Variants in TASP1 observed in about 807,000 individuals in gnomAD.
The protein encoded by TASP1 is threonine aspartase 1.
In TASP1, 16 loss-of-function variants were observed where a neutral mutation model predicts 56.6. That is an observed-to-expected ratio of 0.28 (90% CI 0.19 to 0.43). TASP1 has a LOEUF of 0.43. Among genes scored for constraint, TASP1 ranks in the 20% least tolerant of loss-of-function variants. The pLI, the probability that TASP1 is intolerant of heterozygous loss-of-function variation, is 1.00. For missense variants in TASP1, 393 were observed against 511.6 expected, an observed-to-expected ratio of 0.77 and a Z score of 2.24; for synonymous variants, 179 against 184.2, an observed-to-expected ratio of 0.97 and a Z score of 0.23.
At chr20:13,217,152 T>C in the TASP1 span, among the ~76,000 whole-genome samples, 29 of 152,312 alleles carry the variant, frequency 1.9e-4, no homozygotes, top group African/African-American at 4.1e-4. Flanking sequence ...AGCCCTTACC[T>C]TTTTGAGATG....
At chr20:13,207,882 T>C in the TASP1 span, among the ~76,000 whole-genome samples, 1 of 152,002 alleles carries the variant, frequency 6.6e-6, no homozygotes, top group Non-Finnish European at 1.5e-5. Flanking sequence ...AATATCGATA[T>C]ATCAGTTGGG....
the TASP1 span, among the ~76,000 whole-genome samples, chr20:13,274,941 C>A: frequency 6.6e-6 from 1 of 152,126 alleles, no homozygotes; most frequent in Non-Finnish European, 1.5e-5. Flanking sequence ...TGGGTTTTAT[C>A]AAAAACAAAA....
the TASP1 span, among the ~76,000 whole-genome samples, chr20:13,209,649 T>G: frequency 1.1e-4 from 16 of 152,204 alleles, no homozygotes; most frequent in Admixed American, 5.9e-4. Flanking sequence ...TTATTCTCCT[T>G]CGACAAATCT....
chr20:13,371,513 G>A, the TASP1 span, among the ~76,000 whole-genome samples: 73,218 of 152,004 alleles, frequency 0.48, 19,266 homozygotes, highest in Non-Finnish European at 0.59. Flanking sequence ...ATCAGAGGAC[G>A]TATATTGTAT....
At chr20:13,618,685 A>T (rs2048607162) in intron 4 of TASP1, among the ~76,000 whole-genome samples, 1 of 152,192 alleles carries the variant, frequency 6.6e-6, no homozygotes, top group Non-Finnish European at 1.5e-5. Flanking sequence ...CATTTGGACA[A>T]GAAACGAGTT....
the TASP1 span, among the ~76,000 whole-genome samples, chr20:13,105,443 T>C: frequency 6.6e-6 from 1 of 152,178 alleles, no homozygotes. Context: ...CCGCAAAATG[T>C]ATAAAACACA....
the TASP1 span, among the ~76,000 whole-genome samples, chr20:13,292,049 TG>T: frequency 6.6e-6 from 1 of 152,196 alleles, no homozygotes; most frequent in African/African-American, 2.4e-5. Flanking sequence ...CTACTGCCTC[TG>T]GTTTAGTTTG....
At chr20:13,371,544 T>C in the TASP1 span, among the ~76,000 whole-genome samples, 1 of 152,196 alleles carries the variant, frequency 6.6e-6, no homozygotes, top group Non-Finnish European at 1.5e-5. Context: ...CTTTTAAATT[T>C]ATTAAGGCTT....
the TASP1 span, among the ~76,000 whole-genome samples, chr20:13,176,329 C>A: frequency 6.6e-6 from 1 of 152,150 alleles, no homozygotes; most frequent in African/African-American, 2.4e-5. Context: ...CTTCCAGTTC[C>A]ATTCAGTAAG....
chr20:13,289,560 A>G, the TASP1 span, among the ~76,000 whole-genome samples: 1 of 152,174 alleles, frequency 6.6e-6, no homozygotes, highest in East Asian at 1.9e-4. Flanking sequence ...CTGGCTCGAG[A>G]CCTGTTTTTG....
the TASP1 span, among the ~76,000 whole-genome samples, chr20:13,116,385 C>A: frequency 6.6e-6 from 1 of 152,158 alleles, no homozygotes; most frequent in Non-Finnish European, 1.5e-5. Flanking sequence ...GTACAACTTG[C>A]CTGTCAATGC....
intron 13 of TASP1, among the ~76,000 whole-genome samples, chr20:13,403,295 G>C (rs2041806140): frequency 6.6e-6 from 1 of 152,124 alleles, no homozygotes; most frequent in African/African-American, 2.4e-5. Context: ...CACCAAAGGA[G>C]CACGGTGAAA....
intron 10 of TASP1, among the ~76,000 whole-genome samples, chr20:13,516,459 C>T (rs542549471): frequency 6.6e-6 from 1 of 152,148 alleles, no homozygotes; most frequent in African/African-American, 2.4e-5. Context: ...AAAATCCAGC[C>T]CTGTTTCTGT....
chr20:13,347,841 C>CAA, the TASP1 span, among the ~76,000 whole-genome samples: 1,682 of 101,766 alleles, frequency 0.017, 32 homozygotes, highest in African/African-American at 0.055. Context: ...GACTTTGTCT[C>CAA]AAAAAAAAAA....
chr20:13,632,975 T>G (rs756251516), intron 1 of TASP1, among the ~76,000 whole-genome samples: 3 of 152,164 alleles, frequency 2.0e-5, no homozygotes, highest in African/African-American at 7.2e-5. Flanking sequence ...TAACTTAGAT[T>G]GACAATTATC....
At chr20:13,402,281 A>G (rs1215022021) in intron 13 of TASP1, among the ~76,000 whole-genome samples, 3 of 152,326 alleles carry the variant, frequency 2.0e-5, no homozygotes, top group East Asian at 1.9e-4. Flanking sequence ...AAAATTACCA[A>G]CGACTGTTAG....
At chr20:13,139,973 C>G in the TASP1 span, among the ~76,000 whole-genome samples, 1 of 152,140 alleles carries the variant, frequency 6.6e-6, no homozygotes, top group African/African-American at 2.4e-5. Context: ...GAACTCATTC[C>G]TAGCACATGG....
At chr20:13,627,506 C>T (rs146120837) in intron 2 of TASP1, among the ~76,000 whole-genome samples, 1 of 152,122 alleles carries the variant, frequency 6.6e-6, no homozygotes, top group Non-Finnish European at 1.5e-5. Flanking sequence ...AATCCCAACA[C>T]TTTGGGAGGC....
chr20:13,256,752 G>C, the TASP1 span, among the ~76,000 whole-genome samples: 1 of 152,204 alleles, frequency 6.6e-6, no homozygotes, highest in Non-Finnish European at 1.5e-5. Flanking sequence ...GTATGAGCCA[G>C]GTGACTTTGG....
Sources: allele counts gnomAD v4.1 joint callset (sites outside exome capture counted in the v4.1 genomes callset), GRCh38; gene constraint gnomAD v4.1.1; transcripts MANE v1.5; gene names NCBI Gene and HGNC (gene_info 2026-07-23, HGNC 2026-07-21).